SLC9A8: variants seen among roughly 807,000 people sequenced by gnomAD.
SLC9A8 encodes the protein sodium/hydrogen exchanger 8.
Under a neutral mutation model 66.6 loss-of-function variants are expected in SLC9A8, and 48 were observed. The ratio of observed to expected loss-of-function variants is 0.72; its 90% CI spans 0.57 to 0.92. The LOEUF (loss-of-function observed/expected upper bound fraction) is 0.92. SLC9A8 is among the 40% of genes least tolerant of loss of function. The probability of loss-of-function intolerance (pLI) is 0.00; values close to 1 mark genes in which losing one functional copy is unlikely to be tolerated. For missense variants in SLC9A8, 599 were observed against 747.3 expected, an observed-to-expected ratio of 0.80 and a Z score of 2.31; for synonymous variants, 274 against 282.6, an observed-to-expected ratio of 0.97 and a Z score of 0.31.
At chr20:49,872,355 T>C (rs1194992877) in intron 10 of SLC9A8, among the ~76,000 whole-genome samples, 1 of 152,128 alleles carries the variant, frequency 6.6e-6, no homozygotes, top group Non-Finnish European at 1.5e-5. Context: ...CCATACCTGC[T>C]GGGGCAATAC....
At chr20:49,841,082 A>G (rs1417175109) in intron 4 of SLC9A8, among the ~76,000 whole-genome samples, 2 of 152,126 alleles carry the variant, frequency 1.3e-5, no homozygotes, top group Admixed American at 6.5e-5. Flanking sequence ...AGTCACGTGG[A>G]TCATCTGAGG....
At chr20:49,828,641 C>A (rs1173269555) in intron 3 of SLC9A8, among the ~76,000 whole-genome samples, 1 of 150,900 alleles carries the variant, frequency 6.6e-6, no homozygotes, top group Non-Finnish European at 1.5e-5. Flanking sequence ...GAGTTTGAAA[C>A]CAGCCTGGCC....
chr20:49,846,510 A>C (rs1386242312), intron 5 of SLC9A8, among the ~76,000 whole-genome samples: 1 of 151,272 alleles, frequency 6.6e-6, no homozygotes, highest in Non-Finnish European at 1.5e-5. Context: ...AACGTAGGCA[A>C]AGCACCACCC....
At chr20:49,830,576 A>G (rs1200499370) in intron 3 of SLC9A8, 2 of 609,588 alleles carry the variant, frequency 3.3e-6, no homozygotes, top group African/African-American at 1.9e-5. Context: ...GTCGCTTTCC[A>G]GAAGCTCCCA....
intron 8 of SLC9A8, among the ~76,000 whole-genome samples, chr20:49,857,069 C>G (rs2088524594): frequency 6.6e-6 from 1 of 152,198 alleles, no homozygotes; most frequent in African/African-American, 2.4e-5. Context: ...CATTAACAGG[C>G]AGGCAACAAA....
chr20:49,833,182 G>A (rs1314249597), intron 3 of SLC9A8, among the ~76,000 whole-genome samples: 2 of 152,200 alleles, frequency 1.3e-5, no homozygotes, highest in Non-Finnish European at 2.9e-5. Context: ...GGGATTACAG[G>A]TGTGAGCCGC....
intron 11 of SLC9A8, among the ~76,000 whole-genome samples, chr20:49,876,225 T>A (rs1378171056): frequency 6.6e-6 from 1 of 152,192 alleles, no homozygotes. Context: ...GAGGGTATTA[T>A]TTGTACAGCA....
At chr20:49,830,525 A>G in intron 3 of SLC9A8, 2 of 693,276 alleles carry the variant, frequency 2.9e-6, no homozygotes, top group Non-Finnish European at 5.1e-6. Context: ...ACGCTGACAT[A>G]GTCACTTAGC....
chr20:49,879,613 T>TCAG (rs1184618374), intron 12 of SLC9A8, among the ~76,000 whole-genome samples: 1 of 151,352 alleles, frequency 6.6e-6, no homozygotes, highest in East Asian at 2.0e-4. Context: ...TCACTTGAGG[T>TCAG]CAGCAGTTTG....
intron 10 of SLC9A8, 115 bp downstream of exon 10, chr20:49,864,959 A>C (rs2088900945): frequency 7.2e-6 from 5 of 694,306 alleles, no homozygotes; most frequent in Non-Finnish European, 1.3e-5. Context: ...AACTCAGAAG[A>C]GCTTAAGTAA....
In SLC9A8 at chr20:49,891,659, AGTGCTGGTGAGCAGTG is replaced by A. The variant is rs1306883172; in HGVS notation, c.*3725_*3740del. On this transcript the variant is annotated 3_prime_UTR_variant, in exon 16 of 16. Coordinates refer to ENST00000361573, the MANE Select transcript of SLC9A8 (RefSeq NM_015266.3). ...TTCACTGGCTTCGGAGTGAGCGCGA[AGTGCTGGTGAGCAGTG>A]GGCCTGTGATTGGATGGGAAGATGT... 1 of 152,258 alleles carries A rather than the reference AGTGCTGGTGAGCAGTG, an allele frequency of 6.6e-6. No individual in the cohort carries two copies. Among genetic ancestry groups the A allele is most frequent in the East Asian group, 1.9e-4 (1 of 5,182 alleles). The allele number at this position is 152,258 out of a possible 1,614,324, so 9.4% of individuals were successfully genotyped here.
intron 1 of SLC9A8, among the ~76,000 whole-genome samples, chr20:49,813,347 A>G (rs1032373270): frequency 1.3e-5 from 2 of 152,156 alleles, no homozygotes; most frequent in Non-Finnish European, 2.9e-5. Context: ...ATCAGTTTTC[A>G]TGTCTTTCTC....
intron 5 of SLC9A8, among the ~76,000 whole-genome samples, chr20:49,848,271 A>G (rs1250308343): frequency 1.3e-5 from 2 of 152,192 alleles, no homozygotes. Context: ...GCAAAGAGCA[A>G]CTCATAGATT....
rs1236492309 is a variant in SLC9A8, at chr20:49,812,964, C to G, written c.26+16C>G. On this transcript the variant is annotated intron_variant, in intron 1 of 15. Transcript: ENST00000361573. ...CGGAAGAGGAGTGAGTGGGCTTTTT[C>G]CCGGGCGGCGGAGGCGGCGGGGCTG... 2 of 1,402,388 alleles carry G rather than the reference C, an allele frequency of 1.4e-6. No homozygotes were observed. The highest frequency in any genetic ancestry group is 1.5e-5 in the African/African-American group (1 of 65,580). 86.9% of individuals were successfully genotyped at this position (1,402,388 alleles called of 1,614,324 possible). A position where few individuals can be genotyped will look rare whatever the true frequency, so the allele number is the denominator to read the frequency against.
chr20:49,853,272 T>C (rs1335999103), intron 7 of SLC9A8, among the ~76,000 whole-genome samples: 2 of 151,948 alleles, frequency 1.3e-5, no homozygotes, highest in African/African-American at 4.8e-5. Flanking sequence ...GCCTCCTGAG[T>C]AGCTCGGACT....
At position 49,889,336 on chromosome 20, in the gene SLC9A8, G is replaced by T. The variant is rs1287230239; in HGVS notation, c.*1400G>T. 1 of 152,250 alleles carries T rather than the reference G, an allele frequency of 6.6e-6. No individual in the cohort carries two copies. The highest frequency in any genetic ancestry group is 2.4e-5 in the African/African-American group (1 of 41,454). 9.4% of individuals were successfully genotyped at this position (152,250 alleles called of 1,614,324 possible). ...ACAGTGGCCTGCATGGGCCAGCATG[G>T]ACCCTGGGCTGATCATGTGCATTCC... is the stretch of plus-strand genomic sequence containing the variant. On this transcript the variant is annotated 3_prime_UTR_variant, in exon 16 of 16. Coordinates refer to ENST00000361573, the MANE Select transcript of SLC9A8 (RefSeq NM_015266.3).
intron 8 of SLC9A8, among the ~76,000 whole-genome samples, chr20:49,862,317 A>G (rs1328152001): frequency 1.3e-5 from 2 of 151,776 alleles, no homozygotes; most frequent in African/African-American, 2.4e-5. Flanking sequence ...GCTGGAGTGT[A>G]GTTGTGCGAT....
intron 2 of SLC9A8, among the ~76,000 whole-genome samples, chr20:49,821,242 G>A (rs959113761): frequency 1.3e-5 from 2 of 152,164 alleles, no homozygotes; most frequent in Admixed American, 6.6e-5. Flanking sequence ...TAAAAATCTA[G>A]CTTGGTACAA....
intron 7 of SLC9A8, 150 bp from the exon 8 acceptor site, chr20:49,855,288 G>C (rs1364343096): frequency 2.5e-6 from 2 of 806,154 alleles, no homozygotes; most frequent in South Asian, 1.7e-5. Context: ...CAGCAGATAA[G>C]TGGGGAAAAA....
Sources: gnomAD v4.1 joint callset for allele counts (sites outside exome capture counted in the v4.1 genomes callset) on GRCh38, gnomAD v4.1.1 for gene constraint, MANE v1.5 for transcripts, NCBI Gene and HGNC (gene_info 2026-07-23, HGNC 2026-07-21) for gene names.